Variants in ENTREP2 observed in about 807,000 individuals in gnomAD.
ENTREP2 encodes the protein protein ENTREP2.
chr15:29,136,306 C>G, the ENTREP2 span: 1 of 1,434,862 alleles, frequency 7.0e-7, no homozygotes, highest in Non-Finnish European at 9.1e-7. Flanking sequence ...GAGGGCAGGC[C>G]GGGACGGTGT....
chr15:29,448,636 G>C, the ENTREP2 span, among the ~76,000 whole-genome samples: 1 of 152,124 alleles, frequency 6.6e-6, no homozygotes, highest in African/African-American at 2.4e-5. Flanking sequence ...AGAACAAATC[G>C]AGACGAACCA....
the ENTREP2 span, among the ~76,000 whole-genome samples, chr15:29,529,392 T>C: frequency 6.6e-6 from 1 of 151,878 alleles, no homozygotes; most frequent in East Asian, 1.9e-4. Flanking sequence ...AGGTTAAGCA[T>C]GGTTAGGACT....
the ENTREP2 span, among the ~76,000 whole-genome samples, chr15:29,214,174 C>T: frequency 5.9e-5 from 9 of 152,178 alleles, no homozygotes; most frequent in Non-Finnish European, 1.0e-4. Flanking sequence ...TTTGACCCAG[C>T]CATCCCATTA....
At chr15:29,133,906 GT>G in the ENTREP2 span, among the ~76,000 whole-genome samples, 3 of 152,092 alleles carry the variant, frequency 2.0e-5, no homozygotes, top group African/African-American at 4.8e-5. Context: ...ACGACCTTCT[GT>G]TTGGGGGATA....
the ENTREP2 span, among the ~76,000 whole-genome samples, chr15:29,391,313 T>C: frequency 6.6e-6 from 1 of 151,874 alleles, no homozygotes; most frequent in Non-Finnish European, 1.5e-5. Context: ...CTCCACACCA[T>C]TTCCCTTCAG....
the ENTREP2 span, among the ~76,000 whole-genome samples, chr15:29,477,550 A>G: frequency 3.3e-5 from 5 of 152,128 alleles, no homozygotes; most frequent in African/African-American, 4.8e-5. Flanking sequence ...TTTTTCAAGG[A>G]ATCTTAGGAC....
At chr15:29,223,832 G>T in the ENTREP2 span, among the ~76,000 whole-genome samples, 3 of 152,170 alleles carry the variant, frequency 2.0e-5, no homozygotes, top group African/African-American at 4.8e-5. Context: ...AGGTATCCCA[G>T]CAGACGAAAA....
the ENTREP2 span, among the ~76,000 whole-genome samples, chr15:29,403,425 T>C: frequency 6.6e-6 from 1 of 152,180 alleles, no homozygotes; most frequent in Admixed American, 6.5e-5. Context: ...AATCTCCTCA[T>C]GGCACAATAA....
At chr15:29,198,002 C>T in the ENTREP2 span, among the ~76,000 whole-genome samples, 6 of 152,122 alleles carry the variant, frequency 3.9e-5, no homozygotes, top group African/African-American at 1.2e-4. Flanking sequence ...ATAAAACCTC[C>T]AGGTATCAAC....
At chr15:29,588,794 C>T in the ENTREP2 span, among the ~76,000 whole-genome samples, 1 of 151,854 alleles carries the variant, frequency 6.6e-6, no homozygotes, top group Non-Finnish European at 1.5e-5. Context: ...GCTTAGAGTT[C>T]TGGGCAACAT....
chr15:29,371,390 C>CACACACA, the ENTREP2 span, among the ~76,000 whole-genome samples: 1 of 109,612 alleles, frequency 9.1e-6, no homozygotes, highest in Non-Finnish European at 1.8e-5. Flanking sequence ...ACACACGAAA[C>CACACACA]CAACTAATCC....
At chr15:29,501,765 A>T in the ENTREP2 span, among the ~76,000 whole-genome samples, 1 of 152,032 alleles carries the variant, frequency 6.6e-6, no homozygotes, top group Non-Finnish European at 1.5e-5. Context: ...ACCTAATTTT[A>T]TATAGAGAAA....
the ENTREP2 span, among the ~76,000 whole-genome samples, chr15:29,440,421 G>A: frequency 6.6e-6 from 1 of 152,104 alleles, no homozygotes; most frequent in Non-Finnish European, 1.5e-5. Context: ...AGAATAGTAT[G>A]CATTGATCAT....
the ENTREP2 span, among the ~76,000 whole-genome samples, chr15:29,537,472 T>C: frequency 2.6e-5 from 4 of 152,186 alleles, no homozygotes; most frequent in Admixed American, 2.6e-4. Context: ...TTTAGTCTAA[T>C]GTAGAGATTA....
chr15:29,441,695 C>T, the ENTREP2 span, among the ~76,000 whole-genome samples: 10 of 152,116 alleles, frequency 6.6e-5, no homozygotes, highest in African/African-American at 2.4e-4. Context: ...TATTTACATG[C>T]ATCATCCCAT....
chr15:29,623,776 A>G, the ENTREP2 span, among the ~76,000 whole-genome samples: 1 of 152,152 alleles, frequency 6.6e-6, no homozygotes, highest in Non-Finnish European at 1.5e-5. Flanking sequence ...GACAGGAAGG[A>G]GGGAGGGTAA....
At chr15:29,162,039 C>G in the ENTREP2 span, among the ~76,000 whole-genome samples, 1 of 152,152 alleles carries the variant, frequency 6.6e-6, no homozygotes, top group East Asian at 1.9e-4. Flanking sequence ...CAAACACACA[C>G]GCCCACTGGA....
At chr15:29,276,494 G>A in the ENTREP2 span, among the ~76,000 whole-genome samples, 1 of 152,194 alleles carries the variant, frequency 6.6e-6, no homozygotes, top group Non-Finnish European at 1.5e-5. Context: ...GCCAGACACA[G>A]TGACTGGTTC....
At chr15:29,432,618 C>T in the ENTREP2 span, among the ~76,000 whole-genome samples, 7 of 152,302 alleles carry the variant, frequency 4.6e-5, no homozygotes, top group East Asian at 5.8e-4. Flanking sequence ...TGGGGGAATC[C>T]GGCTGCAGCT....
Sources: gnomAD v4.1 joint callset for allele counts (sites outside exome capture counted in the v4.1 genomes callset) on GRCh38, gnomAD v4.1.1 for gene constraint, MANE v1.5 for transcripts, NCBI Gene and HGNC (gene_info 2026-07-23, HGNC 2026-07-21) for gene names.